WEE1: variants seen among roughly 807,000 people sequenced by gnomAD.
WEE1 encodes the protein wee1-like protein kinase.
WEE1 carries 16 observed loss-of-function variants against 68.8 expected under a neutral mutation model. The observed-to-expected ratio is 0.23, with a 90% CI of 0.16 to 0.35. The LOEUF (loss-of-function observed/expected upper bound fraction) is 0.35. Among genes scored for constraint, WEE1 ranks in the 10% least tolerant of loss-of-function variants. The pLI, the probability that WEE1 is intolerant of heterozygous loss-of-function variation, is 1.00. For missense variants in WEE1, 651 were observed against 824.1 expected (o/e 0.79, Z 2.57); for synonymous variants, 349 against 318.7 (o/e 1.09, Z -1.01).
chr11:9,583,798 C>CATATATAT (rs1849666060), intron 6 of WEE1, among the ~76,000 whole-genome samples: 2 of 22,228 alleles, frequency 9.0e-5, no homozygotes, highest in African/African-American at 2.0e-4. Flanking sequence ...CACACACACA[C>CATATATAT]ACACATATAT....
In WEE1 at chr11:9,574,457, C is replaced by G; in HGVS notation, c.524C>G (p.Pro175Arg). 8.0e-7 allele frequency: 1 copy of G among 1,244,422 alleles called. No homozygotes were observed. Among genetic ancestry groups the G allele is most frequent in the Non-Finnish European group, 1.0e-6 (1 of 996,554 alleles). 77.1% of individuals were successfully genotyped at this position (1,244,422 alleles called of 1,614,324 possible). ...CGGCCGGACCACCCGGGCACCCCGC[C>G]ACACAAGACCTTCCGCAAGCTGCGA... ...SPRPDHPGTP[P>R]HKTFRKLRLF... Residue 175 changes from proline (P) to arginine (R), a missense_variant, in exon 1 of 11, where the codon CCA becomes CGA. Physicochemically the swap from Pro to Arg is moderately radical, Grantham distance 103 (BLOSUM62 -2). Around this residue, in one of 5 missense-constraint regions of WEE1, gnomAD observed 395 missense variants for 378.4 expected, o/e 1.04. Transcript: ENST00000450114. This position sits in a 1 kb window ranked among gnomAD's most constrained non-coding sequence, Gnocchi z 4.9.
rs2134340969 is a variant in WEE1 at position 9,576,556 on chromosome 11, G to A, written c.916G>A (p.Gly306Ser). Residue 306 changes from glycine (G) to serine (S), a missense_variant, in exon 4 of 11, where the codon GGC (glycine) becomes AGC (serine). This residue lies in a region of WEE1 where 41 missense variants were observed against 125.6 expected (regional missense o/e 0.33). Coordinates refer to ENST00000450114, the MANE Select transcript of WEE1 (RefSeq NM_003390.4). The surrounding 1 kb of genome is among the most constrained non-coding windows in gnomAD (Gnocchi z 4.3). Reference protein sequence around the residue: ...TTEFHELEKIGSGEFGSVFKC... With the variant: ...TTEFHELEKISSGEFGSVFKC... ...AGAATTTCATGAGCTAGAGAAAATC[G>A]GCTCTGGAGAATTTGGTTCTGTATT... 1 of 1,613,974 alleles carries A rather than the reference G, an allele frequency of 6.2e-7. No individual in the cohort carries two copies. Among genetic ancestry groups the A allele is most frequent in the Non-Finnish European group, 8.5e-7 (1 of 1,179,946 alleles).
Position 9,589,543 on chromosome 11 carries a change from A to C in WEE1, c.*941A>C, listed in dbSNP as rs1849739597. 1.0e-6 allele frequency: 1 copy of C among 985,552 alleles called. No individual in the cohort carries two copies. Among genetic ancestry groups the C allele is most frequent in the Non-Finnish European group, 1.2e-6 (1 of 829,886 alleles). The allele number at this position is 985,552 out of a possible 1,614,324, so 61.1% of individuals were successfully genotyped here. A position where few individuals can be genotyped will look rare whatever the true frequency, so the allele number is the denominator to read the frequency against. On this transcript the variant is annotated 3_prime_UTR_variant, in exon 11 of 11. Transcript: ENST00000450114. The stretch of plus-strand genomic sequence containing the variant: ...TCGTGATACTGTACATAGCTGTTTG[A>C]AATGCCAGAATGACTTCTGACATTC...
At chr11:9,582,825 A>G (rs550565943) in intron 6 of WEE1, among the ~76,000 whole-genome samples, 21 of 152,128 alleles carry the variant, frequency 1.4e-4, no homozygotes, top group Non-Finnish European at 2.6e-4. Flanking sequence ...ATGGCCTCCC[A>G]AAGTGCTGAG....
At chr11:9,583,802 C>CAT (rs371859938) in intron 6 of WEE1, among the ~76,000 whole-genome samples, 93 of 17,624 alleles carry the variant, frequency 5.3e-3, no homozygotes, top group South Asian at 0.011. Context: ...CACACACACA[C>CAT]ATATATATAT....
chr11:9,576,091 T>A lies in WEE1; in HGVS notation c.780T>A (p.Asn260Lys), dbSNP rs780534747. ...QCRRRKRTYW[N>K]DSCGEDMEAS... ...GTCGTAGAAAGAGAACGTATTGGAA[T>A]GAGTAAGTCGTTTATTTAACAGTTT... The change falls in exon 2 of 11, where the codon AAT becomes AAA. Residue 260 changes from asparagine (N) to lysine (K), a missense_variant and splice_region_variant. Coordinates refer to ENST00000450114, the MANE Select transcript of WEE1 (RefSeq NM_003390.4). The surrounding 1 kb of genome is among the most constrained non-coding windows in gnomAD (Gnocchi z 4.3). The A allele has an allele frequency of 6.2e-7, 1 of 1,614,064 alleles. No individual in the cohort carries two copies. The highest frequency in any genetic ancestry group is 8.5e-7 in the Non-Finnish European group (1 of 1,179,926).
chr11:9,578,728 CCA>C (rs1849590485), intron 5 of WEE1: 1 of 152,038 alleles, frequency 6.6e-6, no homozygotes, highest in African/African-American at 2.4e-5. Flanking sequence ...TAGCAACCTA[CCA>C]ATACATGGTT....
chr11:9,581,034 A>T (rs1767938739), intron 5 of WEE1: 1 of 152,972 alleles, frequency 6.5e-6, no homozygotes, highest in Non-Finnish European at 1.5e-5. Flanking sequence ...ATCTATGCCG[A>T]TCTAAGTTGA....
At chr11:9,583,725 C>A (rs1849655587) in intron 6 of WEE1, among the ~76,000 whole-genome samples, 2 of 137,938 alleles carry the variant, frequency 1.4e-5, no homozygotes, top group Admixed American at 7.6e-5. Context: ...AAATTTAATA[C>A]TAAATATTTG....
intron 6 of WEE1, among the ~76,000 whole-genome samples, chr11:9,583,016 TA>T (rs1453045241): frequency 6.6e-6 from 1 of 152,140 alleles, no homozygotes; most frequent in African/African-American, 2.4e-5. Context: ...ATGTGAAGTT[TA>T]AAAATCTTCA....
At chr11:9,583,796 CACACACATATATAT>C (rs1262196420) in intron 6 of WEE1, among the ~76,000 whole-genome samples, 37 of 26,012 alleles carry the variant, frequency 1.4e-3, no homozygotes, top group African/African-American at 4.4e-3. Flanking sequence ...CACACACACA[CACACACATATATAT>C]ATATATATAT....
chr11:9,574,176 G>A lies in WEE1; in HGVS notation c.243G>A (p.Pro81=). ...PGPERRRSPG[P]APGSPGELEE... The stretch of plus-strand genomic sequence containing the variant: ...CCGAGCGCCGCCGCTCGCCCGGGCC[G>A]GCCCCCGGCAGCCCCGGCGAGCTGG... The change falls in exon 1 of 11, where the codon CCG becomes CCA. Residue 81 remains proline (P), a synonymous_variant. Coordinates refer to ENST00000450114, the MANE Select transcript of WEE1 (RefSeq NM_003390.4). This position sits in a 1 kb window ranked among gnomAD's most constrained non-coding sequence, Gnocchi z 4.9. 5.1e-6 allele frequency: 6 copies of A among 1,178,052 alleles called. No homozygotes were observed. The highest frequency in any genetic ancestry group is 6.3e-6 in the Non-Finnish European group (6 of 954,078). The allele number at this position is 1,178,052 out of a possible 1,614,324, so 73.0% of individuals were successfully genotyped here. A position where few individuals can be genotyped will look rare whatever the true frequency, so the allele number is the denominator to read the frequency against.
chr11:9,574,661 C>T lies in WEE1; in HGVS notation c.576+152C>T. 1 of 1,112,514 alleles carries T rather than the reference C, an allele frequency of 9.0e-7. No homozygotes were observed. Among genetic ancestry groups the T allele is most frequent in the Non-Finnish European group, 1.1e-6 (1 of 912,898 alleles). The allele number at this position is 1,112,514 out of a possible 1,614,324, so 68.9% of individuals were successfully genotyped here. On this transcript the variant is annotated intron_variant, in intron 1 of 10. Coordinates refer to ENST00000450114, the MANE Select transcript of WEE1 (RefSeq NM_003390.4). This position sits in a 1 kb window ranked among gnomAD's most constrained non-coding sequence, Gnocchi z 4.9. Reference sequence around the variant, plus strand: ...AAGTTGGCAGCCCTTGTGTTTGGCCCTGCCCCGAGGTTGTCCGTTGAGATT... The same window carrying T: ...AAGTTGGCAGCCCTTGTGTTTGGCCTTGCCCCGAGGTTGTCCGTTGAGATT...
chr11:9,585,767 T>G (rs1405857343), intron 8 of WEE1, among the ~76,000 whole-genome samples: 1 of 152,238 alleles, frequency 6.6e-6, no homozygotes, highest in African/African-American at 2.4e-5. Flanking sequence ...CATATCCTTT[T>G]TGGAGATCAG....
chr11:9,585,114 T>C (rs1849685752), intron 6 of WEE1, 144 bp from the exon 7 acceptor site: 8 of 670,290 alleles, frequency 1.2e-5, no homozygotes, highest in South Asian at 1.2e-4. Context: ...TTCTGTCCCC[T>C]GAGATGCTTA....
intron 6 of WEE1, among the ~76,000 whole-genome samples, chr11:9,584,557 G>A (rs991275864): frequency 2.0e-5 from 3 of 152,142 alleles, no homozygotes; most frequent in African/African-American, 7.2e-5. Context: ...ATAGGAAATA[G>A]TGAATCACAA....
At chr11:9,587,988 T>G (rs1849720529) in intron 10 of WEE1, among the ~76,000 whole-genome samples, 1 of 151,608 alleles carries the variant, frequency 6.6e-6, no homozygotes, top group South Asian at 2.1e-4. Flanking sequence ...TTTTTTTTAT[T>G]GGGGATAGGT....
At chr11:9,577,712 A>G in intron 5 of WEE1, 1 of 325,440 alleles carries the variant, frequency 3.1e-6, no homozygotes. Flanking sequence ...TTCTTTAAGC[A>G]TTCTGTAGTC....
chr11:9,577,230 G>A lies in WEE1; in HGVS notation c.1108G>A (p.Asp370Asn). The change falls in exon 5 of 11, where the codon GAT becomes AAT. Residue 370 changes from aspartate (D) to asparagine (N), a missense_variant. By Grantham distance (23) the Asp-to-Asn change is conservative. Around this residue, in one of 5 missense-constraint regions of WEE1, gnomAD observed 41 missense variants for 125.6 expected, o/e 0.33. Coordinates refer to ENST00000450114, the MANE Select transcript of WEE1 (RefSeq NM_003390.4). ...VRYFSAWAEDDHMLIQNEYCN... is the reference protein window; with the variant it reads ...VRYFSAWAEDNHMLIQNEYCN... ...ATATTTCTCTGCGTGGGCAGAAGAT[G>A]ATCATATGCTTATACAGAATGAATA... 1 of 1,613,978 alleles carries A rather than the reference G, an allele frequency of 6.2e-7. No homozygotes were observed. Among genetic ancestry groups the A allele is most frequent in the Non-Finnish European group, 8.5e-7 (1 of 1,179,876 alleles).
Sources: gnomAD v4.1 joint callset for allele counts (sites outside exome capture counted in the v4.1 genomes callset) on GRCh38, gnomAD v4.1.1 for gene constraint, gnomAD v4.1.1 regional missense constraint, Gnocchi (gnomAD v3.1) non-coding constraint, MANE v1.5 for transcripts, NCBI Gene and HGNC (gene_info 2026-07-23, HGNC 2026-07-21) for gene names.